KLHL7: variants seen among roughly 807,000 people sequenced by gnomAD.
KLHL7 encodes the protein kelch like family member 7, also known as kelch-like protein 7.
Under a neutral mutation model 67.4 loss-of-function variants are expected in KLHL7, and 44 were observed. That is an observed-to-expected ratio of 0.65 (90% confidence interval 0.51 to 0.84). The LOEUF (loss-of-function observed/expected upper bound fraction) is 0.84. Among genes scored for constraint, KLHL7 ranks in the 40% least tolerant of loss-of-function variants. The pLI is 0.00. For missense variants in KLHL7, 362 were observed against 718.1 expected, an observed-to-expected ratio of 0.50 and a Z score of 5.67; for synonymous variants, 252 against 243.3, an observed-to-expected ratio of 1.04 and a Z score of -0.33.
At chr7:23,141,848 C>G (rs576408311) in intron 5 of KLHL7, among the ~76,000 whole-genome samples, 8 of 152,110 alleles carry the variant, frequency 5.3e-5, no homozygotes, top group Non-Finnish European at 7.3e-5. Context: ...TGGTCTAGAT[C>G]TCCTGACCTT....
At chr7:23,106,839 CAA>C (rs1005668693) in intron 1 of KLHL7, 100 of 965,156 alleles carry the variant, frequency 1.0e-4, no homozygotes, top group African/African-American at 8.2e-4. Context: ...GAAGGTGAAA[CAA>C]AGAGGCTTTT....
intron 1 of KLHL7, among the ~76,000 whole-genome samples, chr7:23,114,589 A>G (rs1554284426): frequency 6.6e-6 from 1 of 152,048 alleles, no homozygotes; most frequent in Non-Finnish European, 1.5e-5. Context: ...CTTTTGGTCT[A>G]TTTTCTTACT....
chr7:23,154,312 G>A (rs183230851), intron 7 of KLHL7, among the ~76,000 whole-genome samples: 1 of 152,070 alleles, frequency 6.6e-6, no homozygotes, highest in Admixed American at 6.6e-5. Context: ...CTGAGATCAC[G>A]CCACGGCACT....
chr7:23,147,728 A>G (rs6956828), intron 6 of KLHL7, among the ~76,000 whole-genome samples: 68,704 of 152,040 alleles, frequency 0.45, 17,892 homozygotes, highest in African/African-American at 0.73. Context: ...ATAGGGCACA[A>G]CAATCCAGGA....
intron 5 of KLHL7, among the ~76,000 whole-genome samples, chr7:23,142,093 G>A (rs527530097): frequency 1.4e-4 from 22 of 151,762 alleles, no homozygotes; most frequent in Non-Finnish European, 2.6e-4. Context: ...TAATTGAGAT[G>A]GGGTTTCACC....
intron 6 of KLHL7, among the ~76,000 whole-genome samples, chr7:23,144,417 T>C (rs998542154): frequency 6.6e-6 from 1 of 152,222 alleles, no homozygotes; most frequent in Non-Finnish European, 1.5e-5. Flanking sequence ...TTCATTTGCT[T>C]CCATTTTCTT....
At chr7:23,119,062 C>T (rs1359835765) in intron 1 of KLHL7, among the ~76,000 whole-genome samples, 2 of 152,066 alleles carry the variant, frequency 1.3e-5, no homozygotes, top group Non-Finnish European at 2.9e-5. Flanking sequence ...TAGAGCAAAA[C>T]CTTGTCTCAA....
chr7:23,173,404 T>C (rs1050010643), intron 10 of KLHL7, among the ~76,000 whole-genome samples: 2 of 152,240 alleles, frequency 1.3e-5, no homozygotes, highest in Non-Finnish European at 2.9e-5. Flanking sequence ...AAGGCTTGTA[T>C]CCAGGTCCTA....
chr7:23,117,819 C>T (rs768602463), intron 1 of KLHL7: 1 of 1,596,168 alleles, frequency 6.3e-7, no homozygotes, highest in Admixed American at 1.7e-5. Context: ...GCCTCATTTC[C>T]CTTTATGTTT....
In KLHL7 at chr7:23,176,140, C is replaced by G. The variant is rs1785291614; in HGVS notation, c.*1842C>G. The G allele has an allele frequency of 6.6e-6, 1 of 152,166 alleles. No individual in the cohort carries two copies. The highest frequency in any genetic ancestry group is 6.6e-5 in the Admixed American group (1 of 15,264). 9.4% of individuals were successfully genotyped at this position (152,166 alleles called of 1,614,324 possible). ...TTCCTAGGGCTACCATAACAAACTA[C>G]TGCAAACTTGGTGGCTTTAAAGAAC... On this transcript the variant is annotated 3_prime_UTR_variant, in exon 11 of 11. Coordinates refer to ENST00000339077, the MANE Select transcript of KLHL7 (RefSeq NM_001031710.3).
At chr7:23,119,272 T>C (rs1325646096) in intron 1 of KLHL7, among the ~76,000 whole-genome samples, 1 of 152,178 alleles carries the variant, frequency 6.6e-6, no homozygotes, top group African/African-American at 2.4e-5. Context: ...TGGCACGATC[T>C]CTGCTCACTG....
At chr7:23,146,670 T>TCTTCTTCTTCTTCTTC (rs1562577230) in intron 6 of KLHL7, among the ~76,000 whole-genome samples, 1 of 151,938 alleles carries the variant, frequency 6.6e-6, no homozygotes, top group African/African-American at 2.4e-5. Flanking sequence ...CTTCTTCTTT[T>TCTTCTTCTTCTTCTTC]TTTTTTAATT....
At chr7:23,169,785 T>C (rs1007847786) in intron 9 of KLHL7, among the ~76,000 whole-genome samples, 2 of 152,210 alleles carry the variant, frequency 1.3e-5, no homozygotes, top group African/African-American at 2.4e-5. Context: ...ATTTCTTTCA[T>C]TTTATATATA....
At position 23,176,530 on chromosome 7, in the gene KLHL7, G is replaced by C. The variant is rs73275821; in HGVS notation, c.*2232G>C. On this transcript the variant is annotated 3_prime_UTR_variant, in exon 11 of 11. Coordinates refer to ENST00000339077, the MANE Select transcript of KLHL7 (RefSeq NM_001031710.3). Reference sequence around the variant, plus strand: ...GTCTCTACAAAAAAATAAAAAGTTAGCAGGTGTGGTATATACCTGCAGTTC... The same window carrying C: ...GTCTCTACAAAAAAATAAAAAGTTACCAGGTGTGGTATATACCTGCAGTTC... 2,171 of 152,250 alleles carry C rather than the reference G, an allele frequency of 0.014. 48 individuals are homozygous for C. Among genetic ancestry groups the C allele is most frequent in the African/African-American group, 0.05 (2,088 of 41,504 alleles). 9.4% of individuals were successfully genotyped at this position (152,250 alleles called of 1,614,324 possible).
chr7:23,144,744 A>C (rs1046251871), intron 6 of KLHL7, among the ~76,000 whole-genome samples: 2 of 152,152 alleles, frequency 1.3e-5, no homozygotes, highest in Non-Finnish European at 2.9e-5. Context: ...TTCCTGATAG[A>C]GTATATTATC....
chr7:23,141,532 T>C (rs1375214149), intron 5 of KLHL7, among the ~76,000 whole-genome samples: 1 of 152,256 alleles, frequency 6.6e-6, no homozygotes, highest in East Asian at 1.9e-4. Context: ...CTCTGACCTA[T>C]AGAACTGTCA....
At chr7:23,110,408 T>C (rs1210058280) in intron 1 of KLHL7, among the ~76,000 whole-genome samples, 1 of 152,186 alleles carries the variant, frequency 6.6e-6, no homozygotes, top group Non-Finnish European at 1.5e-5. Context: ...ATACTGTTGG[T>C]TATTCCATCT....
intron 7 of KLHL7, among the ~76,000 whole-genome samples, chr7:23,157,130 T>C (rs6963342): frequency 1 from 151,948 of 152,344 alleles, 75,779 homozygotes; most frequent in Middle Eastern, 1. Flanking sequence ...TGTGCATAAA[T>C]GAAGTATAAA....
intron 1 of KLHL7, among the ~76,000 whole-genome samples, chr7:23,107,544 T>C (rs1782693649): frequency 6.6e-6 from 1 of 152,230 alleles, no homozygotes; most frequent in Admixed American, 6.5e-5. Flanking sequence ...GCAGCAAATA[T>C]TTACTTGAGG....
Sources: allele counts gnomAD v4.1 joint callset (sites outside exome capture counted in the v4.1 genomes callset), GRCh38; gene constraint gnomAD v4.1.1; transcripts MANE v1.5; gene names NCBI Gene and HGNC (gene_info 2026-07-23, HGNC 2026-07-21).